Variants in OPCML observed in about 807,000 individuals in gnomAD.
The protein encoded by OPCML is opioid binding protein/cell adhesion molecule like.
In OPCML, 13 loss-of-function variants were observed where a neutral mutation model predicts 37.8. The ratio of observed to expected loss-of-function variants is 0.34; its 90% CI spans 0.22 to 0.55. The LOEUF is 0.55. OPCML is among the 20% of genes least tolerant of loss of function. The pLI is 0.91. For missense variants in OPCML, 341 were observed against 435.6 expected (o/e 0.78, Z 1.93); for synonymous variants, 176 against 168.8 (o/e 1.04, Z -0.33).
At chr11:133,149,562 C>G (rs920119289) in intron 1 of OPCML, among the ~76,000 whole-genome samples, 1 of 152,234 alleles carries the variant, frequency 6.6e-6, no homozygotes, top group Admixed American at 6.5e-5. Flanking sequence ...TTGCCACCTC[C>G]AAATTCTCTC....
At chr11:133,429,010 T>C (rs771659790) in intron 1 of OPCML, among the ~76,000 whole-genome samples, 9 of 152,172 alleles carry the variant, frequency 5.9e-5, no homozygotes, top group Non-Finnish European at 1.2e-4. Context: ...TGCAAAGAGA[T>C]GAAATGTGAG....
Position 132,760,635 on chromosome 11 carries a change from T to C in OPCML, c.147-103316A>G, listed in dbSNP as rs113227134. Among the ~76,000 whole-genome samples the C allele has an allele frequency of 8.6e-3, 1,305 of 152,106 alleles. 17 individuals are homozygous for C. The highest frequency in any genetic ancestry group is 0.028 in the African/African-American group (1,166 of 41,460). On this transcript the variant is annotated intron_variant, in intron 2 of 7. Coordinates refer to ENST00000524381, the MANE Select transcript of OPCML (RefSeq NM_001012393.5). ...CTAGGATTGCAACATTTGCTTTTTT[T>C]TTTCTTTTCATTTTCTTGGCGATAT...
At chr11:132,608,849 C>T (rs545571072) in intron 3 of OPCML, among the ~76,000 whole-genome samples, 18 of 152,122 alleles carry the variant, frequency 1.2e-4, no homozygotes, top group Admixed American at 2.0e-4. Flanking sequence ...ATCTGATCAC[C>T]GCATCATCCT....
intron 2 of OPCML, among the ~76,000 whole-genome samples, chr11:132,912,319 T>C (rs1174604051): frequency 2.6e-5 from 4 of 152,194 alleles, no homozygotes; most frequent in African/African-American, 7.2e-5. Context: ...GTGACCAAGA[T>C]AGTTTTGAAT....
chr11:133,189,056 T>C (rs1938203066), intron 1 of OPCML, among the ~76,000 whole-genome samples: 1 of 152,066 alleles, frequency 6.6e-6, no homozygotes, highest in Non-Finnish European at 1.5e-5. Flanking sequence ...GCAAAAAATA[T>C]CTTCCCCATT....
intron 1 of OPCML, chr11:133,025,491 G>C (rs981443721): frequency 1.0e-6 from 1 of 985,256 alleles, no homozygotes; most frequent in Non-Finnish European, 1.2e-6. Flanking sequence ...AATCTAGTCA[G>C]TCGGCTCTCT....
chr11:132,851,944 T>A (rs1238922037), intron 2 of OPCML, among the ~76,000 whole-genome samples: 1 of 152,214 alleles, frequency 6.6e-6, no homozygotes, highest in African/African-American at 2.4e-5. Flanking sequence ...GGCACATTGA[T>A]TATTTTAAGC....
At chr11:132,922,456 G>T (rs1480366470) in intron 2 of OPCML, among the ~76,000 whole-genome samples, 1 of 152,070 alleles carries the variant, frequency 6.6e-6, no homozygotes, top group Non-Finnish European at 1.5e-5. Flanking sequence ...AAAGCCACAG[G>T]AGCAAAAGCA....
At chr11:132,541,871 A>T (rs184142410) in intron 3 of OPCML, among the ~76,000 whole-genome samples, 2 of 152,300 alleles carry the variant, frequency 1.3e-5, no homozygotes, top group Non-Finnish European at 2.9e-5. Flanking sequence ...GTTTGGACAC[A>T]GTGAGATGGG....
rs2095947906 is a variant in OPCML, at chr11:132,418,942, T to A, written c.*1251A>T. 1 of 152,652 alleles carries A rather than the reference T, an allele frequency of 6.6e-6. No homozygotes were observed. Among genetic ancestry groups the A allele is most frequent in the South Asian group, 2.1e-4 (1 of 4,830 alleles). The allele number at this position is 152,652 out of a possible 1,614,324, so 9.5% of individuals were successfully genotyped here. A position where few individuals can be genotyped will look rare whatever the true frequency, so the allele number is the denominator to read the frequency against. Reference sequence around the variant, plus strand: ...TAGGCTGATCTGCTTCCCAAGAAAGTGTTTTAGAAAACACAGGCTCTTCTG... The same window carrying A: ...TAGGCTGATCTGCTTCCCAAGAAAGAGTTTTAGAAAACACAGGCTCTTCTG... On this transcript the variant is annotated 3_prime_UTR_variant, in exon 8 of 8. Coordinates refer to ENST00000524381, the MANE Select transcript of OPCML (RefSeq NM_001012393.5).
chr11:132,503,705 C>T (rs2096250523), intron 4 of OPCML, among the ~76,000 whole-genome samples: 1 of 151,868 alleles, frequency 6.6e-6, no homozygotes, highest in African/African-American at 2.4e-5. Context: ...TTGATGATAA[C>T]AGAATGAAGA....
At chr11:133,285,593 C>T (rs775179006) in intron 1 of OPCML, among the ~76,000 whole-genome samples, 13 of 152,154 alleles carry the variant, frequency 8.5e-5, no homozygotes, top group Non-Finnish European at 1.3e-4. Flanking sequence ...TTAAAAGGAG[C>T]CAGCTAGGGA....
intron 2 of OPCML, among the ~76,000 whole-genome samples, chr11:132,889,294 G>C (rs777900410): frequency 2.0e-5 from 3 of 152,168 alleles, no homozygotes; most frequent in Admixed American, 6.5e-5. Flanking sequence ...TACCAAGCAC[G>C]GGCAAGTGCT....
intron 1 of OPCML, among the ~76,000 whole-genome samples, chr11:132,961,140 G>T (rs1446599144): frequency 6.6e-6 from 1 of 152,140 alleles, no homozygotes; most frequent in Admixed American, 6.5e-5. Flanking sequence ...ATAGTGCTGG[G>T]CAGGGAGTCC....
At chr11:132,509,388 A>G (rs961421692) in intron 4 of OPCML, among the ~76,000 whole-genome samples, 5 of 152,220 alleles carry the variant, frequency 3.3e-5, no homozygotes, top group Admixed American at 3.3e-4. Context: ...CAGCTGCAGA[A>G]ATTTGAGCAA....
At chr11:132,868,889 C>T (rs937276594) in intron 2 of OPCML, among the ~76,000 whole-genome samples, 1 of 152,170 alleles carries the variant, frequency 6.6e-6, no homozygotes, top group African/African-American at 2.4e-5. Flanking sequence ...CTTGTGTATG[C>T]ATACGTGAGT....
chr11:133,509,686 A>G (rs1161476592), intron 1 of OPCML, among the ~76,000 whole-genome samples: 28 of 152,212 alleles, frequency 1.8e-4, no homozygotes, highest in Admixed American at 1.8e-3. Flanking sequence ...CAGAGAGGTT[A>G]ACCAAGCTGC....
At chr11:133,240,070 C>T (rs1940667108) in intron 1 of OPCML, among the ~76,000 whole-genome samples, 1 of 151,772 alleles carries the variant, frequency 6.6e-6, no homozygotes, top group Non-Finnish European at 1.5e-5. Context: ...GAAAATGGCT[C>T]CAACAAAAGC....
At chr11:132,690,181 C>T (rs142120043) in intron 2 of OPCML, among the ~76,000 whole-genome samples, 1 of 152,202 alleles carries the variant, frequency 6.6e-6, no homozygotes, top group Non-Finnish European at 1.5e-5. Context: ...TTCAAGTGGT[C>T]CTCCCACCTC....
Sources: allele counts gnomAD v4.1 joint callset (sites outside exome capture counted in the v4.1 genomes callset), GRCh38; gene constraint gnomAD v4.1.1; transcripts MANE v1.5; gene names NCBI Gene and HGNC (gene_info 2026-07-23, HGNC 2026-07-21).